VWF: variants seen among roughly 807,000 people sequenced by gnomAD.
VWF encodes the protein von Willebrand factor.
A neutral mutation model predicts 308.6 loss-of-function variants in VWF; 176 were observed. That is an observed-to-expected ratio of 0.57 (90% CI 0.50 to 0.65). The LOEUF (loss-of-function observed/expected upper bound fraction) is 0.65. Among genes scored for constraint, VWF ranks in the 30% least tolerant of loss-of-function variants. The pLI, the probability that VWF is intolerant of heterozygous loss-of-function variation, is 0.00. For missense variants in VWF, 3,146 were observed against 3,648.2 expected (o/e 0.86, Z 3.55); for synonymous variants, 1,385 against 1,443.4 (o/e 0.96, Z 0.92).
At chr12:6,071,234 G>A (rs187124937) in intron 10 of VWF, 63 bp downstream of exon 10, 1 of 1,589,724 alleles carries the variant, frequency 6.3e-7, no homozygotes, top group African/African-American at 1.3e-5. Flanking sequence ...TGTCTGGTAA[G>A]AGAGGAGGAG....
chr12:6,124,450 C>T lies in VWF; in HGVS notation c.-30G>A, dbSNP rs1458076403. The T allele has an allele frequency of 6.5e-6, 1 of 152,708 alleles. No individual in the cohort carries two copies. The highest frequency in any genetic ancestry group is 2.4e-5 in the African/African-American group (1 of 41,470). 9.5% of individuals were successfully genotyped at this position (152,708 alleles called of 1,614,324 possible). On this transcript the variant is annotated 5_prime_UTR_variant, in exon 1 of 52. Transcript: ENST00000261405. The stretch of plus-strand genomic sequence containing the variant: ...CCCTGCAAATGAGGGCTGCGGCTAT[C>T]TCCAAGGTCCCTGGGAAACTCAGCT...
At chr12:6,087,631 C>T (rs1200651920) in intron 6 of VWF, among the ~76,000 whole-genome samples, 1 of 151,684 alleles carries the variant, frequency 6.6e-6, no homozygotes, top group Non-Finnish European at 1.5e-5. Flanking sequence ...TCCCAAAGTG[C>T]CGGGATTACA....
At position 6,063,244 on chromosome 12, in the gene VWF, G is replaced by A. The variant is rs1565849341; in HGVS notation, c.1433-190C>T. ...AGGAAGGGTGATCAAGGTGGACAGA[G>A]CGCAAATAGGGTCCCCCAGGAAGAA... On this transcript the variant is annotated intron_variant, in intron 12 of 51. Coordinates refer to ENST00000261405, the MANE Select transcript of VWF (RefSeq NM_000552.5). This position sits in a 1 kb window ranked among gnomAD's most constrained non-coding sequence, Gnocchi z 4.9. Among the ~76,000 whole-genome samples, 1 of 152,152 alleles carries A rather than the reference G, an allele frequency of 6.6e-6. No individual in the cohort carries two copies. Among genetic ancestry groups the A allele is most frequent in the Non-Finnish European group, 1.5e-5 (1 of 68,024 alleles).
chr12:6,081,808 TGA>T (rs1235987061), intron 6 of VWF, among the ~76,000 whole-genome samples: 1 of 152,198 alleles, frequency 6.6e-6, no homozygotes, highest in African/African-American at 2.4e-5. Context: ...CTATGAGACA[TGA>T]GATATCCCAA....
chr12:6,056,767 A>C, intron 15 of VWF, 90 bp downstream of exon 15: 1 of 1,159,654 alleles, frequency 8.6e-7, no homozygotes, highest in East Asian at 3.2e-5. Flanking sequence ...CTCTTTCCAC[A>C]GGAAACAACG....
Position 6,013,516 on chromosome 12 carries a change from G to A in VWF, c.5585C>T (p.Thr1862Ile). 1 of 1,614,190 alleles carries A rather than the reference G, an allele frequency of 6.2e-7. No individual in the cohort carries two copies. Residue 1862 changes from threonine (T) to isoleucine (I), a missense_variant, in exon 32 of 52, where the codon ACC (threonine) becomes ATC (isoleucine). Physicochemically the swap from Thr to Ile is moderately conservative, Grantham distance 89. Around this residue, in one of 3 missense-constraint regions of VWF, gnomAD observed 853 missense variants for 1,177.8 expected, o/e 0.72. Coordinates refer to ENST00000261405, the MANE Select transcript of VWF (RefSeq NM_000552.5). Reference protein sequence around the residue: ...QRIEDLPTMVTLGNSFLHKLC... With the variant: ...QRIEDLPTMVILGNSFLHKLC... ...TTTGTGGAGGAAGGAATTGCCCAAG[G>A]TGACCATGGTAGGGAGGTCTTCGAT...
intron 6 of VWF, among the ~76,000 whole-genome samples, chr12:6,092,636 T>C (rs879347046): frequency 1.3e-5 from 1 of 76,058 alleles, no homozygotes; most frequent in African/African-American, 1.1e-4. Context: ...TGTGTGTGTG[T>C]GTGTGTGTGT....
chr12:6,090,776 C>T (rs1016334524), intron 6 of VWF, among the ~76,000 whole-genome samples: 2 of 152,200 alleles, frequency 1.3e-5, no homozygotes, highest in African/African-American at 4.8e-5. Flanking sequence ...AACTGAGGCT[C>T]TGCAAAGGCA....
intron 10 of VWF, among the ~76,000 whole-genome samples, chr12:6,069,603 G>A (rs961825082): frequency 3.3e-5 from 5 of 152,172 alleles, no homozygotes; most frequent in Admixed American, 6.5e-5. Flanking sequence ...GCTTGTGTGC[G>A]TGGGTGCAAA....
At chr12:5,972,376 C>T (rs1943486265) in intron 43 of VWF, among the ~76,000 whole-genome samples, 3 of 152,182 alleles carry the variant, frequency 2.0e-5, no homozygotes, top group Admixed American at 2.0e-4. Flanking sequence ...TGGACTGAAA[C>T]CCTCCTCTGA....
In VWF at chr12:6,056,843, G is replaced by T. The variant is rs1944584475; in HGVS notation, c.1945+14C>A. 1.5e-6 allele frequency: 2 copies of T among 1,377,910 alleles called. No homozygotes were observed. The highest frequency in any genetic ancestry group is 9.3e-7 in the Non-Finnish European group (1 of 1,076,472). The allele number at this position is 1,377,910 out of a possible 1,614,324, so 85.4% of individuals were successfully genotyped here. ...GGGGCGGCCCGGAGGGCTGCGGGCA[G>T]GGAGGGCACGCACCACAGCGGCCTG... On this transcript the variant is annotated intron_variant, in intron 15 of 51. Coordinates refer to ENST00000261405, the MANE Select transcript of VWF (RefSeq NM_000552.5).
Position 6,117,581 on chromosome 12 carries a change from C to T in VWF, c.220+3593G>A, listed in dbSNP as rs145807514. 1.3e-4 allele frequency among the ~76,000 whole-genome samples: 20 copies of T among 152,262 alleles called. No individual in the cohort carries two copies. The East Asian group carries it at 2.9e-3, about 22-fold the overall frequency. On this transcript the variant is annotated intron_variant, in intron 3 of 51. Transcript: ENST00000261405. The stretch of plus-strand genomic sequence containing the variant: ...CATTTTAAAGATGAGGAACCAAGGC[C>T]GAGGCGGGCGGATCACCTGAGGTCG...
chr12:6,070,594 G>A (rs1389070631), intron 10 of VWF, among the ~76,000 whole-genome samples: 4 of 152,182 alleles, frequency 2.6e-5, no homozygotes, highest in Non-Finnish European at 4.4e-5. Flanking sequence ...GGTTGTAACC[G>A]GAAAGTGTTT....
chr12:6,090,043 T>C lies in VWF; in HGVS notation c.657+5417A>G, dbSNP rs184080076. Among the ~76,000 whole-genome samples the C allele has an allele frequency of 1.5e-4, 23 of 152,252 alleles. No individual in the cohort carries two copies. In the East Asian group the frequency reaches 1.5e-3, roughly 10 times the overall value. On this transcript the variant is annotated intron_variant, in intron 6 of 51. Coordinates refer to ENST00000261405, the MANE Select transcript of VWF (RefSeq NM_000552.5). ...TGCAATCTCGGCTCACTGCAAGCTC[T>C]GCCTCCCAGGTTCATGCCATTCTCC...
chr12:6,028,509 G>C (rs1944220172), intron 22 of VWF, among the ~76,000 whole-genome samples: 1 of 152,170 alleles, frequency 6.6e-6, no homozygotes, highest in Non-Finnish European at 1.5e-5. Context: ...CAGCCAGAGA[G>C]AAATGTCGAG....
chr12:6,051,286 C>CTT (rs55842185), intron 16 of VWF, among the ~76,000 whole-genome samples: 2,908 of 117,158 alleles, frequency 0.025, 156 homozygotes, highest in African/African-American at 0.09. Flanking sequence ...TTCTTTTTTT[C>CTT]TTTTTTTTTT....
intron 6 of VWF, among the ~76,000 whole-genome samples, chr12:6,080,714 C>A (rs2136480891): frequency 6.6e-6 from 1 of 152,358 alleles, no homozygotes; most frequent in Non-Finnish European, 1.5e-5. Flanking sequence ...GTGGCCTCAG[C>A]TTCTCTTAGC....
chr12:6,024,884 G>A lies in VWF; in HGVS notation c.3222+696C>T, dbSNP rs150058333. On this transcript the variant is annotated intron_variant, in intron 24 of 51. Coordinates refer to ENST00000261405, the MANE Select transcript of VWF (RefSeq NM_000552.5). This position sits in a 1 kb window ranked among gnomAD's most constrained non-coding sequence, Gnocchi z 4.0. ...CTAAAAATACAAAAATTAGCTGGGC[G>A]TGGTGGCAGGTGCCTGTAATCCCAG... Among the ~76,000 whole-genome samples the A allele has an allele frequency of 0.019, 2,818 of 152,232 alleles. 40 individuals are homozygous for A. Among genetic ancestry groups the A allele is most frequent in the Middle Eastern group, 0.051 (15 of 294 alleles).
intron 3 of VWF, among the ~76,000 whole-genome samples, chr12:6,115,094 T>C (rs1945348400): frequency 6.6e-6 from 1 of 152,172 alleles, no homozygotes; most frequent in African/African-American, 2.4e-5. Context: ...TGACATGTAG[T>C]GATATGATCA....
Sources: allele counts gnomAD v4.1 joint callset (sites outside exome capture counted in the v4.1 genomes callset), GRCh38; gene constraint gnomAD v4.1.1; regional missense constraint gnomAD v4.1.1; non-coding constraint Gnocchi (gnomAD v3.1); transcripts MANE v1.5; gene names NCBI Gene and HGNC (gene_info 2026-07-23, HGNC 2026-07-21).